KDM2A: variants seen among roughly 807,000 people sequenced by gnomAD.
KDM2A encodes the protein lysine demethylase 2A, also known as lysine-specific demethylase 2A.
KDM2A carries 3 observed loss-of-function variants against 137.3 expected under a neutral mutation model. That is an observed-to-expected ratio of 0.02 (90% CI 0.01 to 0.06). The LOEUF (loss-of-function observed/expected upper bound fraction) is 0.06, where lower values mean the gene tolerates loss of function less well. Ranked by LOEUF, KDM2A falls within the 10% of genes least tolerant of loss-of-function variation. KDM2A has a pLI of 1.00. For missense variants in KDM2A, 738 were observed against 1,510.6 expected (o/e 0.49, Z 8.48); for synonymous variants, 512 against 541.5 (o/e 0.95, Z 0.76).
intron 5 of KDM2A, among the ~76,000 whole-genome samples, chr11:67,189,320 A>G (rs889694317): frequency 2.6e-5 from 4 of 152,274 alleles, no homozygotes; most frequent in Admixed American, 6.5e-5. Context: ...TCACATGGAA[A>G]TTAGAAAATA....
chr11:67,214,222 T>TTTTTTTTTA lies in KDM2A; in HGVS notation c.487-1118_487-1117insTTTTTTTTA, dbSNP rs1565407441. Reference sequence around the variant, plus strand: ...TGCGCAGCTAATTTTTTTTTTTTTTTGAGACGGAGTCTTGCTCTGTTACCC... The same window carrying TTTTTTTTTA: ...TGCGCAGCTAATTTTTTTTTTTTTTTTTTTTTTTAGAGACGGAGTCTTGCTCTGTTACCC... On this transcript the variant is annotated intron_variant, in intron 6 of 20. Transcript: ENST00000529006. Among the ~76,000 whole-genome samples the TTTTTTTTTA allele has an allele frequency of 1.2e-4, 17 of 146,652 alleles. 1 individual carries two copies. Among genetic ancestry groups the TTTTTTTTTA allele is most frequent in the South Asian group, 2.2e-4 (1 of 4,566 alleles).
intron 3 of KDM2A, among the ~76,000 whole-genome samples, chr11:67,180,686 T>C (rs1342365774): frequency 6.6e-6 from 1 of 152,054 alleles, no homozygotes. Flanking sequence ...GGAGTCTTGC[T>C]GTGTCACCCA....
intron 11 of KDM2A, among the ~76,000 whole-genome samples, chr11:67,228,880 C>T (rs1858627948): frequency 2.0e-5 from 3 of 152,080 alleles, no homozygotes; most frequent in Non-Finnish European, 2.9e-5. Flanking sequence ...GCACACACCA[C>T]TATGCCCAGC....
chr11:67,138,404 A>G (rs1856018241), intron 2 of KDM2A, among the ~76,000 whole-genome samples: 1 of 152,218 alleles, frequency 6.6e-6, no homozygotes, highest in African/African-American at 2.4e-5. Context: ...TTATTCACCT[A>G]CAAGGTTCTT....
chr11:67,184,992 C>G (rs906127362), intron 5 of KDM2A, among the ~76,000 whole-genome samples: 1 of 151,896 alleles, frequency 6.6e-6, no homozygotes, highest in Non-Finnish European at 1.5e-5. Flanking sequence ...ATGGCCCATT[C>G]AAAGGAAAAA....
At chr11:67,144,458 G>T (rs1203372936) in intron 2 of KDM2A, among the ~76,000 whole-genome samples, 1 of 151,660 alleles carries the variant, frequency 6.6e-6, no homozygotes, top group Non-Finnish European at 1.5e-5. Context: ...CTCCATGTTG[G>T]TCAGGCTGGT....
At position 67,181,904 on chromosome 11, in the gene KDM2A, G is replaced by A; in HGVS notation, c.307+12G>A. On this transcript the variant is annotated intron_variant, in intron 5 of 20. Transcript: ENST00000529006. ...CAAAATGTGTGTGGGTAAGTGTCGA[G>A]CTTTTGGCCTCTGTCTTTAAGGCAA... The A allele has an allele frequency of 6.2e-7, 1 of 1,613,168 alleles. No individual in the cohort carries two copies. The highest frequency in any genetic ancestry group is 8.5e-7 in the Non-Finnish European group (1 of 1,179,244).
chr11:67,122,052 A>G (rs1019361497), intron 2 of KDM2A, among the ~76,000 whole-genome samples: 13 of 152,152 alleles, frequency 8.5e-5, no homozygotes, highest in Non-Finnish European at 8.8e-5. Flanking sequence ...TAAGAATTCA[A>G]TTTTTGTTTT....
At chr11:67,246,970 T>G (rs1379604572) in intron 15 of KDM2A, among the ~76,000 whole-genome samples, 1 of 148,018 alleles carries the variant, frequency 6.8e-6, no homozygotes, top group Non-Finnish European at 1.5e-5. Context: ...CATAGCCTTG[T>G]GTTGTTGCCC....
intron 2 of KDM2A, among the ~76,000 whole-genome samples, chr11:67,170,170 T>C (rs1856848007): frequency 1.3e-5 from 2 of 152,168 alleles, no homozygotes. Context: ...CACCTTGTGA[T>C]AGAAAATGCT....
intron 5 of KDM2A, among the ~76,000 whole-genome samples, chr11:67,198,140 A>C (rs1365175349): frequency 6.6e-6 from 1 of 152,162 alleles, no homozygotes; most frequent in African/African-American, 2.4e-5. Context: ...GGGATGGAAG[A>C]AAATTCATGT....
intron 17 of KDM2A, 133 bp from the exon 18 acceptor site, chr11:67,252,561 G>A (rs565566882): frequency 3.0e-6 from 3 of 987,366 alleles, no homozygotes; most frequent in Middle Eastern, 2.1e-4. Flanking sequence ...AAAATGATAA[G>A]GTGTGATCCC....
At chr11:67,204,020 C>CA (rs1252616499) in intron 5 of KDM2A, among the ~76,000 whole-genome samples, 5 of 151,890 alleles carry the variant, frequency 3.3e-5, no homozygotes, top group Non-Finnish European at 5.9e-5. Context: ...AGGCTGGTCT[C>CA]AAACTCCTGA....
At chr11:67,229,776 A>T (rs1858654446) in intron 11 of KDM2A, among the ~76,000 whole-genome samples, 1 of 152,016 alleles carries the variant, frequency 6.6e-6, no homozygotes. Context: ...AGGCTGTGGC[A>T]GGAGAATCAC....
intron 2 of KDM2A, among the ~76,000 whole-genome samples, chr11:67,122,019 G>C (rs189961679): frequency 1.5e-4 from 23 of 152,154 alleles, no homozygotes; most frequent in Admixed American, 1.5e-3. Flanking sequence ...TGCTTTCCTC[G>C]TAAGGTTTCC....
At chr11:67,190,257 T>C (rs1291837547) in intron 5 of KDM2A, among the ~76,000 whole-genome samples, 1 of 151,170 alleles carries the variant, frequency 6.6e-6, no homozygotes, top group Non-Finnish European at 1.5e-5. Context: ...TAAAAATACA[T>C]AAATTAGCTG....
At chr11:67,223,225 T>C (rs1431079100) in intron 10 of KDM2A, among the ~76,000 whole-genome samples, 1 of 149,736 alleles carries the variant, frequency 6.7e-6, no homozygotes, top group Non-Finnish European at 1.5e-5. Flanking sequence ...TTCCAAAAAA[T>C]GCTAACCCAG....
Position 67,254,570 on chromosome 11 carries a change from C to A in KDM2A, c.3307+152C>A. On this transcript the variant is annotated intron_variant, in intron 20 of 20. Coordinates refer to ENST00000529006, the MANE Select transcript of KDM2A (RefSeq NM_012308.3). This position sits in a 1 kb window ranked among gnomAD's most constrained non-coding sequence, Gnocchi z 4.7. The stretch of plus-strand genomic sequence containing the variant: ...TGGACAAGGACATGGATTTCTATCC[C>A]TTTTTTAACTGATGGGGGACTGAGG... The A allele has an allele frequency of 1.4e-6, 1 of 715,526 alleles. No individual in the cohort carries two copies. Among genetic ancestry groups the A allele is most frequent in the South Asian group, 1.7e-5 (1 of 57,954 alleles). The allele number at this position is 715,526 out of a possible 1,614,324, so 44.3% of individuals were successfully genotyped here.
intron 5 of KDM2A, among the ~76,000 whole-genome samples, chr11:67,197,814 A>G (rs543117344): frequency 1.3e-5 from 2 of 152,306 alleles, no homozygotes; most frequent in Non-Finnish European, 2.9e-5. Flanking sequence ...CCCTTGAACA[A>G]TGCAACGGCT....
Sources: gnomAD v4.1 joint callset for allele counts (sites outside exome capture counted in the v4.1 genomes callset) on GRCh38, gnomAD v4.1.1 for gene constraint, Gnocchi (gnomAD v3.1) non-coding constraint, MANE v1.5 for transcripts, NCBI Gene and HGNC (gene_info 2026-07-23, HGNC 2026-07-21) for gene names.